Variants in GLIS3 observed in about 807,000 individuals in gnomAD.
The protein encoded by GLIS3 is zinc finger protein GLIS3.
GLIS3 carries 53 observed loss-of-function variants against 78.6 expected under a neutral mutation model. The observed-to-expected ratio is 0.67, with a 90% CI of 0.54 to 0.85. GLIS3 has a LOEUF of 0.85. Ranked by LOEUF, GLIS3 falls within the 40% of genes least tolerant of loss-of-function variation. The probability of loss-of-function intolerance (pLI) is 0.00; values close to 1 mark genes in which losing one functional copy is unlikely to be tolerated. For synonymous variants in GLIS3, 684 were observed against 509.9 expected (o/e 1.34, Z -4.60); for missense variants, 1,703 against 1,231.1 (o/e 1.38, Z -5.74).
chr9:4,011,038 G>T (rs780791823), intron 4 of GLIS3, among the ~76,000 whole-genome samples: 5 of 152,190 alleles, frequency 3.3e-5, no homozygotes, highest in Non-Finnish European at 7.3e-5. Flanking sequence ...GCTCAGCGGG[G>T]AGTGGAGGTA....
chr9:3,858,776 A>G (rs1193234271), intron 8 of GLIS3, among the ~76,000 whole-genome samples: 2 of 152,190 alleles, frequency 1.3e-5, no homozygotes, highest in African/African-American at 2.4e-5. Context: ...AGTGATCACA[A>G]TTATCCAGAC....
the GLIS3 span, among the ~76,000 whole-genome samples, chr9:4,423,195 A>T: frequency 6.6e-6 from 1 of 152,150 alleles, no homozygotes; most frequent in African/African-American, 2.4e-5. Flanking sequence ...AGTGCCGATT[A>T]TCAGAGAACC....
At chr9:4,429,369 A>T in the GLIS3 span, among the ~76,000 whole-genome samples, 4 of 150,970 alleles carry the variant, frequency 2.6e-5, no homozygotes, top group African/African-American at 9.8e-5. Flanking sequence ...GATTTCTTCT[A>T]GTGCCTTGTG....
chr9:4,224,721 G>GTTTT (rs5896053), intron 2 of GLIS3, among the ~76,000 whole-genome samples: 1 of 141,902 alleles, frequency 7.0e-6, no homozygotes. Flanking sequence ...ATCTTTTTCT[G>GTTTT]TTTTTTTTTT....
At chr9:4,031,370 G>A (rs1412200000) in intron 4 of GLIS3, among the ~76,000 whole-genome samples, 1 of 152,156 alleles carries the variant, frequency 6.6e-6, no homozygotes, top group Admixed American at 6.5e-5. Context: ...ATGCTAAGTG[G>A]AAGAAGCCAG....
intron 2 of GLIS3, among the ~76,000 whole-genome samples, chr9:4,175,085 T>G (rs1402605339): frequency 6.6e-6 from 1 of 152,220 alleles, no homozygotes; most frequent in African/African-American, 2.4e-5. Context: ...GCAGGCATTT[T>G]AAGCAGGGAG....
chr9:4,245,969 G>C (rs1409097321), intron 2 of GLIS3, among the ~76,000 whole-genome samples: 3 of 152,200 alleles, frequency 2.0e-5, no homozygotes, highest in Admixed American at 6.5e-5. Context: ...TAAAATCAGA[G>C]AAAAGTAATT....
chr9:4,205,553 G>A (rs553800636), intron 2 of GLIS3, among the ~76,000 whole-genome samples: 2 of 152,228 alleles, frequency 1.3e-5, no homozygotes, highest in African/African-American at 4.8e-5. Flanking sequence ...TATAAGAGAG[G>A]AAAGTCTAGA....
At chr9:4,097,225 C>A (rs1313002270) in intron 4 of GLIS3, among the ~76,000 whole-genome samples, 2 of 152,070 alleles carry the variant, frequency 1.3e-5, no homozygotes, top group Non-Finnish European at 2.9e-5. Context: ...CCACAGAGAA[C>A]TGATATTGCC....
chr9:4,159,928 C>T (rs1039147265), intron 2 of GLIS3, among the ~76,000 whole-genome samples: 2 of 152,096 alleles, frequency 1.3e-5, no homozygotes, highest in Non-Finnish European at 2.9e-5. Flanking sequence ...TTTATTTATA[C>T]AGTATTTCAA....
chr9:4,329,414 C>T (rs964425088), intron 2 of GLIS3, among the ~76,000 whole-genome samples: 2 of 151,946 alleles, frequency 1.3e-5, no homozygotes, highest in Non-Finnish European at 2.9e-5. Flanking sequence ...AAAAAGATAC[C>T]TCCAAATGAT....
At chr9:3,871,656 G>A (rs1450093819) in intron 8 of GLIS3, among the ~76,000 whole-genome samples, 1 of 152,196 alleles carries the variant, frequency 6.6e-6, no homozygotes, top group Non-Finnish European at 1.5e-5. Flanking sequence ...TTGAGTGGCT[G>A]GGACGCAGGG....
At chr9:4,182,885 A>T (rs548925639) in intron 2 of GLIS3, among the ~76,000 whole-genome samples, 13 of 152,336 alleles carry the variant, frequency 8.5e-5, no homozygotes, top group South Asian at 8.3e-4. Context: ...GATTCTCCCA[A>T]CAACTCCTAG....
chr9:4,106,488 G>A (rs1230947139), intron 4 of GLIS3, among the ~76,000 whole-genome samples: 1 of 152,102 alleles, frequency 6.6e-6, no homozygotes, highest in African/African-American at 2.4e-5. Flanking sequence ...AATTTTGCAA[G>A]CTTAAACACA....
intron 2 of GLIS3, among the ~76,000 whole-genome samples, chr9:4,312,836 G>A (rs1262345276): frequency 2.6e-5 from 4 of 152,144 alleles, no homozygotes; most frequent in Admixed American, 2.6e-4. Context: ...TCATCCATAG[G>A]AAAAGCTAAC....
At chr9:3,840,684 A>T (rs1818657754) in intron 9 of GLIS3, among the ~76,000 whole-genome samples, 1 of 152,182 alleles carries the variant, frequency 6.6e-6, no homozygotes, top group African/African-American at 2.4e-5. Context: ...CACTGGAGCA[A>T]CCGCCTGGTC....
chr9:4,328,119 G>C (rs567837419), intron 2 of GLIS3, among the ~76,000 whole-genome samples: 1 of 152,172 alleles, frequency 6.6e-6, no homozygotes, highest in African/African-American at 2.4e-5. Flanking sequence ...TGATGGAAAA[G>C]CCCTGGATGC....
chr9:4,214,301 A>C (rs1051932641), intron 2 of GLIS3, among the ~76,000 whole-genome samples: 2 of 152,252 alleles, frequency 1.3e-5, no homozygotes, highest in Non-Finnish European at 2.9e-5. Flanking sequence ...CAAAGCTATC[A>C]ATGTGTCAAA....
chr9:4,328,188 C>A (rs757069121), intron 2 of GLIS3, among the ~76,000 whole-genome samples: 1 of 152,130 alleles, frequency 6.6e-6, no homozygotes, highest in Non-Finnish European at 1.5e-5. Flanking sequence ...GCCCCAAGAC[C>A]CGAGACTGAC....
Sources: gnomAD v4.1 joint callset for allele counts (sites outside exome capture counted in the v4.1 genomes callset) on GRCh38, gnomAD v4.1.1 for gene constraint, MANE v1.5 for transcripts, NCBI Gene and HGNC (gene_info 2026-07-23, HGNC 2026-07-21) for gene names.